Variants in DLGAP2 observed in about 807,000 individuals in gnomAD.
DLGAP2 encodes the protein disks large-associated protein 2.
Under a neutral mutation model 100.3 loss-of-function variants are expected in DLGAP2, and 26 were observed. The observed-to-expected ratio is 0.26, with a 90% CI of 0.19 to 0.36. DLGAP2 has a LOEUF of 0.36. DLGAP2 is among the 10% of genes least tolerant of loss of function. The pLI is 1.00. For missense variants in DLGAP2, 1,858 were observed against 1,453.2 expected, an observed-to-expected ratio of 1.28 and a Z score of -4.53; for synonymous variants, 886 against 630.1, an observed-to-expected ratio of 1.41 and a Z score of -6.08.
At chr8:1,582,151 A>G (rs1389760541) in intron 6 of DLGAP2, among the ~76,000 whole-genome samples, 2 of 151,286 alleles carry the variant, frequency 1.3e-5, no homozygotes, top group African/African-American at 2.4e-5. Flanking sequence ...CCACACATGT[A>G]CACACCACAG....
chr8:927,633 G>A (rs549241041), intron 2 of DLGAP2, among the ~76,000 whole-genome samples: 248 of 152,272 alleles, frequency 1.6e-3, no homozygotes, highest in African/African-American at 5.2e-3. Context: ...GCCCAGCACC[G>A]TGGGGTAGGG....
At chr8:1,281,574 C>T (rs1330534012) in intron 3 of DLGAP2, among the ~76,000 whole-genome samples, 2 of 152,154 alleles carry the variant, frequency 1.3e-5, no homozygotes, top group Non-Finnish European at 1.5e-5. Flanking sequence ...AGCGGAGACC[C>T]AGGGTTGACC....
intron 3 of DLGAP2, chr8:1,302,685 C>T (rs1020325184): frequency 3.5e-4 from 53 of 152,238 alleles, no homozygotes; most frequent in African/African-American, 1.2e-3. Context: ...GTCATCAGAT[C>T]GTCCTATGAG....
At chr8:1,197,996 A>C (rs1033732389) in intron 2 of DLGAP2, among the ~76,000 whole-genome samples, 1 of 152,054 alleles carries the variant, frequency 6.6e-6, no homozygotes, top group African/African-American at 2.4e-5. Context: ...GTGACCTTTG[A>C]GGAGTAGCCT....
At chr8:1,138,624 A>G (rs1796465270) in intron 2 of DLGAP2, among the ~76,000 whole-genome samples, 1 of 152,214 alleles carries the variant, frequency 6.6e-6, no homozygotes, top group Non-Finnish European at 1.5e-5. Flanking sequence ...ATTCCCAACG[A>G]ATTCCGTCTT....
intron 8 of DLGAP2, among the ~76,000 whole-genome samples, chr8:1,651,044 A>G (rs1482313190): frequency 3.9e-5 from 6 of 152,054 alleles, no homozygotes; most frequent in African/African-American, 1.4e-4. Context: ...TTGGGATTAC[A>G]TGGGGAATAA....
At chr8:1,603,922 G>A (rs118072045) in intron 6 of DLGAP2, among the ~76,000 whole-genome samples, 2,334 of 152,120 alleles carry the variant, frequency 0.015, 23 homozygotes, top group Admixed American at 0.019. Flanking sequence ...AGTTGCCTCC[G>A]TATGAGGAGT....
intron 2 of DLGAP2, among the ~76,000 whole-genome samples, chr8:1,057,663 C>G (rs1318464788): frequency 6.6e-6 from 1 of 152,198 alleles, no homozygotes; most frequent in East Asian, 1.9e-4. Context: ...AAGAAAACCT[C>G]CGGTGTAATT....
At chr8:1,080,369 A>G (rs1803764915) in intron 2 of DLGAP2, among the ~76,000 whole-genome samples, 1 of 152,196 alleles carries the variant, frequency 6.6e-6, no homozygotes, top group Non-Finnish European at 1.5e-5. Flanking sequence ...CCGTCTCTTT[A>G]GTGCCCTCAC....
chr8:1,292,739 C>T (rs944416620), intron 3 of DLGAP2, among the ~76,000 whole-genome samples: 2 of 152,104 alleles, frequency 1.3e-5, no homozygotes, highest in African/African-American at 4.8e-5. Flanking sequence ...TTATTTGGAG[C>T]TGGTCACATT....
chr8:1,096,160 T>C (rs920419542), intron 2 of DLGAP2, among the ~76,000 whole-genome samples: 4 of 152,200 alleles, frequency 2.6e-5, no homozygotes, highest in Admixed American at 1.3e-4. Flanking sequence ...ATTGGACCTG[T>C]TTTCATGCTG....
In DLGAP2 at chr8:1,265,722, A is replaced by C. The variant is rs185679090; in HGVS notation, c.106+6839A>C. ...GAGAGAATACAGACAAGTGTACTTGATTTTCAGGAGAGTTTTCGTAGTCAA... is the reference window on the plus strand; with the variant it reads ...GAGAGAATACAGACAAGTGTACTTGCTTTTCAGGAGAGTTTTCGTAGTCAA... On this transcript the variant is annotated intron_variant, in intron 3 of 14. Coordinates refer to ENST00000637795, the MANE Select transcript of DLGAP2 (RefSeq NM_001346810.2). 1.0e-3 allele frequency among the ~76,000 whole-genome samples: 155 copies of C among 152,318 alleles called. 1 individual carries two copies. The highest frequency in any genetic ancestry group is 3.6e-3 in the African/African-American group (149 of 41,568).
chr8:1,367,966 T>G (rs1802146341), intron 3 of DLGAP2, among the ~76,000 whole-genome samples: 1 of 152,214 alleles, frequency 6.6e-6, no homozygotes, highest in Non-Finnish European at 1.5e-5. Flanking sequence ...CAGCACAGGC[T>G]TTGCCGTCAG....
chr8:1,231,529 C>A (rs566769145), intron 2 of DLGAP2, among the ~76,000 whole-genome samples: 1 of 152,294 alleles, frequency 6.6e-6, no homozygotes, highest in South Asian at 2.1e-4. Context: ...AAGACACATG[C>A]ACTCACCTAT....
At chr8:1,119,931 A>G (rs534904248) in intron 2 of DLGAP2, among the ~76,000 whole-genome samples, 1 of 152,204 alleles carries the variant, frequency 6.6e-6, no homozygotes, top group Non-Finnish European at 1.5e-5. Flanking sequence ...GTAGTTGGGA[A>G]GACCCTTTCT....
At chr8:1,211,830 G>A (rs546458993) in intron 2 of DLGAP2, among the ~76,000 whole-genome samples, 6 of 152,204 alleles carry the variant, frequency 3.9e-5, no homozygotes, top group Non-Finnish European at 7.3e-5. Context: ...AGCCGATATC[G>A]TGCCATTGCA....
At chr8:1,591,260 G>T (rs531946842) in intron 6 of DLGAP2, among the ~76,000 whole-genome samples, 1 of 151,726 alleles carries the variant, frequency 6.6e-6, no homozygotes, top group Non-Finnish European at 1.5e-5. Context: ...ACAGGGAAGG[G>T]AGGTTAGAGC....
chr8:1,443,683 A>T (rs1797902835), intron 3 of DLGAP2, among the ~76,000 whole-genome samples: 1 of 152,194 alleles, frequency 6.6e-6, no homozygotes, highest in South Asian at 2.1e-4. Context: ...CGGCTTGTGC[A>T]GGGGAACTGC....
At chr8:1,595,429 C>T (rs1243736206) in intron 6 of DLGAP2, among the ~76,000 whole-genome samples, 4 of 151,386 alleles carry the variant, frequency 2.6e-5, no homozygotes, top group Admixed American at 6.6e-5. Context: ...TTTGGGAGGC[C>T]GAGGCGGGTG....
Sources: allele counts gnomAD v4.1 joint callset (sites outside exome capture counted in the v4.1 genomes callset), GRCh38; gene constraint gnomAD v4.1.1; transcripts MANE v1.5; gene names NCBI Gene and HGNC (gene_info 2026-07-23, HGNC 2026-07-21).